C12orf54: variants seen among roughly 807,000 people sequenced by gnomAD.
The protein encoded by C12orf54 is chromosome 12 open reading frame 54, also known as uncharacterized protein C12orf54.
Under a neutral mutation model 26.4 loss-of-function variants are expected in C12orf54, and 24 were observed. The observed-to-expected ratio is 0.91, with a 90% CI of 0.66 to 1.28. The LOEUF is 1.28. Among genes scored for constraint, C12orf54 ranks in the 50% most tolerant of loss-of-function variants. The pLI, the probability that C12orf54 is intolerant of heterozygous loss-of-function variation, is 0.00. For synonymous variants in C12orf54, 54 were observed against 47.0 expected (o/e 1.15, Z -0.61); for missense variants, 154 against 150.9 (o/e 1.02, Z -0.11).
chr12:48,440,668 T>A, the C12orf54 span, among the ~76,000 whole-genome samples: 1 of 152,196 alleles, frequency 6.6e-6, no homozygotes, highest in Non-Finnish European at 1.5e-5. Flanking sequence ...TAGCTACAGA[T>A]GGTTGGCCAT....
rs149350666 is a variant in C12orf54, at chr12:48,490,899, C to A, written c.193+63C>A. 23 of 1,561,972 alleles carry A rather than the reference C, an allele frequency of 1.5e-5. No individual in the cohort carries two copies. In the African/African-American group the frequency reaches 1.8e-4, roughly 12 times the overall value. On this transcript the variant is annotated intron_variant, in intron 6 of 8. Transcript: ENST00000548364. Reference sequence around the variant, plus strand: ...AAGGGAGGGGATTTGGAATTCAAGTCTCATTGTATCCATTTGCCATACAAA... The same window carrying A: ...AAGGGAGGGGATTTGGAATTCAAGTATCATTGTATCCATTTGCCATACAAA...
At chr12:48,478,485 A>G (rs1954166807), upstream of C12orf54, among the ~76,000 whole-genome samples, 2 of 152,196 alleles carry the variant, frequency 1.3e-5, no homozygotes, top group Non-Finnish European at 2.9e-5. Flanking sequence ...ACATGTTTGT[A>G]TATCTAGAAA....
At chr12:48,441,563 G>T in the C12orf54 span, among the ~76,000 whole-genome samples, 1 of 152,162 alleles carries the variant, frequency 6.6e-6, no homozygotes, top group Non-Finnish European at 1.5e-5. Flanking sequence ...TAATGACAGG[G>T]GTTGGGGGTG....
chr12:48,467,994 T>C, the C12orf54 span, among the ~76,000 whole-genome samples: 5 of 152,176 alleles, frequency 3.3e-5, no homozygotes, highest in Non-Finnish European at 7.4e-5. Flanking sequence ...TGTCACTATG[T>C]AGTATTTATT....
intron 6 of C12orf54, 70 bp downstream of exon 6, chr12:48,490,906 T>C (rs542784668): frequency 3.9e-6 from 6 of 1,550,946 alleles, no homozygotes; most frequent in East Asian, 4.5e-5. Flanking sequence ...AGTCTCATTG[T>C]ATCCATTTGC....
the C12orf54 span, among the ~76,000 whole-genome samples, chr12:48,438,634 G>A: frequency 6.6e-6 from 1 of 152,108 alleles, no homozygotes; most frequent in Non-Finnish European, 1.5e-5. Flanking sequence ...TGACAAACCT[G>A]AGAAAAACAA....
At chr12:48,488,149 G>C in intron 4 of C12orf54, 1 of 767,604 alleles carries the variant, frequency 1.3e-6, no homozygotes, top group Non-Finnish European at 2.4e-6. Flanking sequence ...CATTTCTACT[G>C]GAACCTTATG....
the C12orf54 span, among the ~76,000 whole-genome samples, chr12:48,461,652 C>A: frequency 6.6e-6 from 1 of 151,418 alleles, no homozygotes; most frequent in Non-Finnish European, 1.5e-5. Flanking sequence ...AAGAAGAAAT[C>A]AAAAAGGAAA....
chr12:48,490,962 C>T (rs1380034748), intron 6 of C12orf54, 126 bp downstream of exon 6: 2 of 1,193,168 alleles, frequency 1.7e-6, no homozygotes, highest in East Asian at 2.4e-5. Flanking sequence ...GGAGTTCATC[C>T]CAAAGTCTCA....
chr12:48,419,229 A>G, the C12orf54 span, among the ~76,000 whole-genome samples: 1 of 152,210 alleles, frequency 6.6e-6, no homozygotes, highest in Non-Finnish European at 1.5e-5. Flanking sequence ...AGGCAGCAGG[A>G]TATACGAAAA....
At chr12:48,473,222 G>A in the C12orf54 span, 9 of 1,199,438 alleles carry the variant, frequency 7.5e-6, no homozygotes, top group Admixed American at 1.7e-4. Context: ...CTCAGGTAAT[G>A]GAAGATGAGG....
At chr12:48,420,416 A>G in the C12orf54 span, among the ~76,000 whole-genome samples, 1 of 152,118 alleles carries the variant, frequency 6.6e-6, no homozygotes, top group Non-Finnish European at 1.5e-5. Context: ...TTTTTAGAGC[A>G]TTTACTTTAG....
the C12orf54 span, among the ~76,000 whole-genome samples, chr12:48,434,131 G>A: frequency 6.6e-5 from 10 of 152,294 alleles, no homozygotes; most frequent in Non-Finnish European, 8.8e-5. Flanking sequence ...CACATGACTC[G>A]GAGGGTCCTA....
chr12:48,488,481 C>CA (rs551426749), intron 4 of C12orf54: 34,475 of 202,436 alleles, frequency 0.17, 2,625 homozygotes, highest in East Asian at 0.55. Flanking sequence ...AACTTACAGC[C>CA]AAAAAAAAAA....
the C12orf54 span, among the ~76,000 whole-genome samples, chr12:48,434,539 G>A: frequency 6.6e-6 from 1 of 152,160 alleles, no homozygotes; most frequent in Non-Finnish European, 1.5e-5. Context: ...CACCTCACAC[G>A]GCCGGGTACT....
chr12:48,458,034 C>T, the C12orf54 span, among the ~76,000 whole-genome samples: 1 of 152,220 alleles, frequency 6.6e-6, no homozygotes, highest in African/African-American at 2.4e-5. Flanking sequence ...TTGCTGAAGG[C>T]AAGGGTGGCC....
At chr12:48,464,260 G>A in the C12orf54 span, among the ~76,000 whole-genome samples, 2 of 152,058 alleles carry the variant, frequency 1.3e-5, no homozygotes, top group Admixed American at 6.6e-5. Flanking sequence ...AAAATCAGTA[G>A]CATTTCTATA....
At chr12:48,444,289 T>C in the C12orf54 span, among the ~76,000 whole-genome samples, 1 of 152,190 alleles carries the variant, frequency 6.6e-6, no homozygotes, top group Non-Finnish European at 1.5e-5. Flanking sequence ...GAACATCACA[T>C]CATTGGCAGA....
the C12orf54 span, among the ~76,000 whole-genome samples, chr12:48,471,628 G>T: frequency 6.6e-6 from 1 of 152,026 alleles, no homozygotes; most frequent in Non-Finnish European, 1.5e-5. Flanking sequence ...GTTTTTCTTG[G>T]TCTTGTCAAA....
Sources: allele counts gnomAD v4.1 joint callset (sites outside exome capture counted in the v4.1 genomes callset), GRCh38; gene constraint gnomAD v4.1.1; transcripts MANE v1.5; gene names NCBI Gene and HGNC (gene_info 2026-07-23, HGNC 2026-07-21).